Variants in SLC1A6 observed in about 807,000 individuals in gnomAD.
The protein encoded by SLC1A6 is solute carrier family 1 member 6, also known as excitatory amino acid transporter 4.
A neutral mutation model predicts 42.1 loss-of-function variants in SLC1A6; 15 were observed. The ratio of observed to expected loss-of-function variants is 0.36; its 90% CI spans 0.24 to 0.55. The LOEUF (loss-of-function observed/expected upper bound fraction) is 0.55. Among genes scored for constraint, SLC1A6 ranks in the 20% least tolerant of loss-of-function variants. The pLI is 0.88. For synonymous variants in SLC1A6, 317 were observed against 319.7 expected (o/e 0.99, Z 0.09); for missense variants, 542 against 772.5 (o/e 0.70, Z 3.54).
chr19:14,962,290 TTC>T lies in SLC1A6; in HGVS notation c.645_646del (p.Asn216ArgfsTer3). Reference sequence around the variant, plus strand: ...CATGGAGGCACCCGGCTCAGACCCGTTCTCTGTCCTCACCATGGTCCTGGTTA... The same window carrying T: ...CATGGAGGCACCCGGCTCAGACCCGTTCTGTCCTCACCATGGTCCTGGTTA... On this transcript the variant is annotated frameshift_variant, in exon 6 of 10. Coordinates refer to ENST00000594383, the MANE Select transcript of SLC1A6 (RefSeq NM_005071.3). LOFTEE classifies it high-confidence loss of function. The T allele has an allele frequency of 6.2e-7, 1 of 1,614,156 alleles. No homozygotes were observed. The highest frequency in any genetic ancestry group is 8.5e-7 in the Non-Finnish European group (1 of 1,180,010).
chr19:14,953,847 G>A (rs547835723), intron 8 of SLC1A6, among the ~76,000 whole-genome samples: 1 of 152,270 alleles, frequency 6.6e-6, no homozygotes, highest in East Asian at 1.9e-4. Context: ...CAAGAACCTC[G>A]GGTTATCAGG....
chr19:14,993,471 T>A (rs1411048474), intron 1 of SLC1A6, among the ~76,000 whole-genome samples: 2 of 152,266 alleles, frequency 1.3e-5, no homozygotes, highest in East Asian at 1.9e-4. Context: ...AAAATCAATC[T>A]CCTTCTCATT....
chr19:14,962,016 C>A lies in SLC1A6; in HGVS notation c.921G>T (p.Val307=), dbSNP rs2145179550. ...DSLNEAIMRL[V]GIIIWYAPVG... The stretch of plus-strand genomic sequence containing the variant: ...CCAGGACTCACCAGATAATGATGCC[C>A]ACCAGCCTCATAATAGCCTCATTGA... Residue 307 remains valine (V), a synonymous_variant, in exon 6 of 10, where the codon GTG becomes GTT. Coordinates refer to ENST00000594383, the MANE Select transcript of SLC1A6 (RefSeq NM_005071.3). 1.2e-6 allele frequency: 2 copies of A among 1,613,646 alleles called. No individual in the cohort carries two copies. Among genetic ancestry groups the A allele is most frequent in the Non-Finnish European group, 1.7e-6 (2 of 1,179,734 alleles).
At chr19:14,960,758 A>C (rs1035559290) in intron 6 of SLC1A6, among the ~76,000 whole-genome samples, 1 of 152,198 alleles carries the variant, frequency 6.6e-6, no homozygotes, top group Non-Finnish European at 1.5e-5. Context: ...GGTGGTTACC[A>C]GGGACTCGCA....
At chr19:14,997,001 G>A (rs1201481259) in intron 1 of SLC1A6, among the ~76,000 whole-genome samples, 1 of 152,092 alleles carries the variant, frequency 6.6e-6, no homozygotes, top group Non-Finnish European at 1.5e-5. Context: ...AAGCCAAAGG[G>A]AAAAGTCAAG....
chr19:14,986,456 A>G (rs1226985915), intron 1 of SLC1A6, among the ~76,000 whole-genome samples: 1 of 150,502 alleles, frequency 6.6e-6, no homozygotes, highest in Non-Finnish European at 1.5e-5. Flanking sequence ...TGGGAGGTAG[A>G]GGTTTGCAGT....
intron 1 of SLC1A6, among the ~76,000 whole-genome samples, chr19:14,998,770 G>A (rs2045858996): frequency 6.6e-6 from 1 of 152,072 alleles, no homozygotes; most frequent in African/African-American, 2.4e-5. Flanking sequence ...ACACTTTTTG[G>A]AGCATCCCTT....
intron 1 of SLC1A6, among the ~76,000 whole-genome samples, chr19:14,990,979 A>T (rs569703653): frequency 6.6e-6 from 1 of 152,196 alleles, no homozygotes; most frequent in Non-Finnish European, 1.5e-5. Flanking sequence ...GTGTGTGTGT[A>T]TATTTCAAAA....
chr19:14,998,757 T>C (rs913217562), intron 1 of SLC1A6, among the ~76,000 whole-genome samples: 16 of 152,168 alleles, frequency 1.1e-4, no homozygotes, highest in Non-Finnish European at 2.4e-4. Context: ...GTGAGGAAAA[T>C]CTACACTTTT....
intron 3 of SLC1A6, among the ~76,000 whole-genome samples, chr19:14,969,871 C>G (rs1193083324): frequency 6.6e-6 from 1 of 152,166 alleles, no homozygotes; most frequent in East Asian, 1.9e-4. Flanking sequence ...ATGGCAGAAT[C>G]GAGTACAATT....
At chr19:14,991,578 C>T (rs1015960213) in intron 1 of SLC1A6, among the ~76,000 whole-genome samples, 7 of 149,904 alleles carry the variant, frequency 4.7e-5, no homozygotes, top group Non-Finnish European at 1.0e-4. Context: ...GCCGAGATAT[C>T]GCCACTGCAC....
intron 1 of SLC1A6, among the ~76,000 whole-genome samples, chr19:14,994,990 C>A (rs938149762): frequency 6.6e-6 from 1 of 152,054 alleles, no homozygotes; most frequent in Non-Finnish European, 1.5e-5. Context: ...TGCATGATCT[C>A]ACTCATATGT....
chr19:14,996,533 T>TCTTCTTCTC (rs1323829282), intron 1 of SLC1A6, among the ~76,000 whole-genome samples: 1 of 112,778 alleles, frequency 8.9e-6, no homozygotes. Context: ...TCCTCTTTCT[T>TCTTCTTCTC]CTTCTTCTTC....
chr19:14,960,455 AAATG>A (rs2045499257), intron 6 of SLC1A6, among the ~76,000 whole-genome samples: 1 of 152,250 alleles, frequency 6.6e-6, no homozygotes, highest in Admixed American at 6.5e-5. Flanking sequence ...ATGAATAAGA[AAATG>A]AATGAACCGA....
intron 6 of SLC1A6, among the ~76,000 whole-genome samples, chr19:14,956,988 G>A (rs2045468800): frequency 6.6e-6 from 1 of 152,062 alleles, no homozygotes; most frequent in South Asian, 2.1e-4. Flanking sequence ...GGTCTCTCCT[G>A]TACCTACTCC....
At chr19:14,974,084 T>C (rs2011112) in intron 1 of SLC1A6, 109,638 of 152,154 alleles carry the variant, frequency 0.72, 39,801 homozygotes, top group African/African-American at 0.81. Flanking sequence ...GAACCAGGCG[T>C]GGTGGCTCAC....
In SLC1A6 at chr19:14,951,320, G is replaced by A. The variant is rs1390178067; in HGVS notation, c.1500-930C>T. On this transcript the variant is annotated intron_variant, in intron 9 of 9. Transcript: ENST00000594383. ...ATGAACATCTCATGCAGACGATTAA[G>A]GGTTATGAACTGAAAAGCACATAGA... 2.0e-5 allele frequency among the ~76,000 whole-genome samples: 3 copies of A among 150,750 alleles called. No individual in the cohort carries two copies. The East Asian group carries it at 5.8e-4, about 29-fold the overall frequency.
rs113043703 is a variant in SLC1A6, at chr19:14,979,010, C to T, written c.-8+299G>A. Among the ~76,000 whole-genome samples, 3 of 147,060 alleles carry T rather than the reference C, an allele frequency of 2.0e-5. No homozygotes were observed. Among genetic ancestry groups the T allele is most frequent in the Admixed American group, 1.4e-4 (2 of 14,650 alleles). ...TTCAGCTCCACACACCTGTTCAGGACGGCGATCCCACTCACAAATTCAGTC... is the reference window on the plus strand; with the variant it reads ...TTCAGCTCCACACACCTGTTCAGGATGGCGATCCCACTCACAAATTCAGTC... On this transcript the variant is annotated intron_variant, in intron 1 of 9. Transcript: ENST00000594383. This position sits in a 1 kb window ranked among gnomAD's most constrained non-coding sequence, Gnocchi z 4.2.
rs2145180235 is a variant in SLC1A6, at chr19:14,962,204, C to T, written c.733G>A (p.Gly245Ser). ...SFLENVTRALGTLQEMLSFEE... is the reference protein window; with the variant it reads ...SFLENVTRALSTLQEMLSFEE... Reference sequence around the variant, plus strand: ...AAGCTCAGCATCTCCTGCAGGGTACCCAAGGCCCGAGTGACATTTTCCAGG... The same window carrying T: ...AAGCTCAGCATCTCCTGCAGGGTACTCAAGGCCCGAGTGACATTTTCCAGG... Residue 245 changes from glycine to serine, a missense_variant, in exon 6 of 10, where the codon GGT becomes AGT. This residue lies in a region of SLC1A6 where 298 missense variants were observed against 419.4 expected (regional missense o/e 0.71). Coordinates refer to ENST00000594383, the MANE Select transcript of SLC1A6 (RefSeq NM_005071.3). 6.2e-7 allele frequency: 1 copy of T among 1,614,146 alleles called. No individual in the cohort carries two copies. Among genetic ancestry groups the T allele is most frequent in the East Asian group, 2.2e-5 (1 of 44,870 alleles).
Sources: gnomAD v4.1 joint callset for allele counts (sites outside exome capture counted in the v4.1 genomes callset) on GRCh38, gnomAD v4.1.1 for gene constraint, gnomAD v4.1.1 regional missense constraint, Gnocchi (gnomAD v3.1) non-coding constraint, MANE v1.5 for transcripts, NCBI Gene and HGNC (gene_info 2026-07-23, HGNC 2026-07-21) for gene names.